The following TBC1D30 variants were observed in gnomAD, a reference collection of about 807,000 sequenced individuals.
The protein encoded by TBC1D30 is TBC1 domain family, member 30.
A neutral mutation model predicts 63.2 loss-of-function variants in TBC1D30; 31 were observed. The observed-to-expected ratio is 0.49, with a 90% CI of 0.37 to 0.66. TBC1D30 has a LOEUF of 0.66. Among genes scored for constraint, TBC1D30 ranks in the 30% least tolerant of loss-of-function variants. The pLI is 0.00. For missense variants in TBC1D30, 810 were observed against 953.6 expected (o/e 0.85, Z 1.98); for synonymous variants, 307 against 361.5 (o/e 0.85, Z 1.71).
chr12:64,825,866 G>A (rs1056617293), intron 1 of TBC1D30, among the ~76,000 whole-genome samples: 1 of 152,168 alleles, frequency 6.6e-6, no homozygotes, highest in Non-Finnish European at 1.5e-5. Flanking sequence ...TGCGTTCCAG[G>A]CGGGTTCACG....
At chr12:64,836,904 G>A (rs897430343) in intron 6 of TBC1D30, among the ~76,000 whole-genome samples, 1 of 152,166 alleles carries the variant, frequency 6.6e-6, no homozygotes, top group African/African-American at 2.4e-5. Flanking sequence ...ATCAACAACT[G>A]AAATGATGTA....
chr12:64,780,943 C>A (rs772802130), exon 1 of TBC1D30: 58 of 1,058,246 alleles, frequency 5.5e-5, no homozygotes, highest in Non-Finnish European at 6.7e-5. Context: ...CCCCGCGCCT[C>A]CGGGGAGCGG....
chr12:64,870,345 A>C (rs1057128997), intron 10 of TBC1D30, among the ~76,000 whole-genome samples: 2 of 152,252 alleles, frequency 1.3e-5, no homozygotes, highest in African/African-American at 4.8e-5. Flanking sequence ...CTATATAGCT[A>C]ACAAACTGGT....
intron 1 of TBC1D30, among the ~76,000 whole-genome samples, chr12:64,762,855 T>A (rs1376259956): frequency 6.6e-6 from 1 of 152,194 alleles, no homozygotes; most frequent in Non-Finnish European, 1.5e-5. Context: ...TTCAGAAAAA[T>A]TATTTTTCAC....
intron 2 of TBC1D30, among the ~76,000 whole-genome samples, chr12:64,796,003 A>G (rs1011862129): frequency 1.3e-5 from 2 of 152,192 alleles, no homozygotes; most frequent in Non-Finnish European, 2.9e-5. Flanking sequence ...TGTTTTTGAT[A>G]TATAATTAGC....
upstream of TBC1D30, among the ~76,000 whole-genome samples, chr12:64,777,286 G>C (rs878938857): frequency 2.0e-4 from 31 of 152,078 alleles, no homozygotes; most frequent in African/African-American, 7.5e-4. Flanking sequence ...AGAAATAAAG[G>C]GCATTCAAAT....
At chr12:64,849,023 C>A (rs1465011058) in intron 8 of TBC1D30, among the ~76,000 whole-genome samples, 1 of 152,120 alleles carries the variant, frequency 6.6e-6, no homozygotes, top group Admixed American at 6.5e-5. Flanking sequence ...CTTTAATGAC[C>A]AGTGATGATG....
chr12:64,817,505 TCTC>T (rs1873615938), intron 2 of TBC1D30, among the ~76,000 whole-genome samples: 2 of 152,194 alleles, frequency 1.3e-5, no homozygotes, highest in African/African-American at 4.8e-5. Context: ...TCTTCACACG[TCTC>T]CTCATTGGAG....
chr12:64,844,583 G>A (rs1876193230), intron 8 of TBC1D30, among the ~76,000 whole-genome samples: 1 of 152,206 alleles, frequency 6.6e-6, no homozygotes, highest in African/African-American at 2.4e-5. Flanking sequence ...ATTGACTATA[G>A]TCACCCTGTT....
At chr12:64,791,708 G>GTGTA (rs934151713) in intron 2 of TBC1D30, among the ~76,000 whole-genome samples, 8 of 149,800 alleles carry the variant, frequency 5.3e-5, no homozygotes, top group African/African-American at 1.7e-4. Context: ...TTGTGTGTGT[G>GTGTA]TATATATATA....
intron 2 of TBC1D30, among the ~76,000 whole-genome samples, chr12:64,804,129 G>A (rs1035799813): frequency 5.3e-5 from 8 of 152,318 alleles, no homozygotes; most frequent in Middle Eastern, 3.4e-3. Flanking sequence ...CATGAGCATG[G>A]AATGTTCTTC....
At chr12:64,818,153 C>T (rs1873662985) in intron 2 of TBC1D30, among the ~76,000 whole-genome samples, 1 of 151,878 alleles carries the variant, frequency 6.6e-6, no homozygotes, top group Non-Finnish European at 1.5e-5. Context: ...ACAGTTATTT[C>T]ATCTTCTGCA....
chr12:64,820,143 T>G (rs1873802993), upstream of TBC1D30, among the ~76,000 whole-genome samples: 1 of 152,184 alleles, frequency 6.6e-6, no homozygotes. Context: ...GCCCTTTTTA[T>G]TTTAAGACTT....
intron 1 of TBC1D30, among the ~76,000 whole-genome samples, chr12:64,762,232 A>C (rs1424378342): frequency 1.3e-5 from 2 of 152,232 alleles, no homozygotes; most frequent in Non-Finnish European, 2.9e-5. Flanking sequence ...AACTAAAAGA[A>C]GCCAGTGTGG....
At chr12:64,835,212 A>T (rs112685635) in intron 5 of TBC1D30, among the ~76,000 whole-genome samples, 1 of 152,182 alleles carries the variant, frequency 6.6e-6, no homozygotes, top group Non-Finnish European at 1.5e-5. Context: ...TCCTAACATA[A>T]GAAGGCTAAG....
Position 64,864,671 on chromosome 12 carries a change from G to C in TBC1D30, c.1042G>C (p.Val348Leu). 2 of 1,535,918 alleles carry C rather than the reference G, an allele frequency of 1.3e-6. No homozygotes were observed. The highest frequency in any genetic ancestry group is 2.4e-5 in the East Asian group (1 of 40,916). ...CATTTTTGCTTTTGTTTTACAGACT[G>C]TTTATTCCATGGCTCCGTTCCCTTT... ...LLQSHELMQT[V>L]YSMAPFPFPQ... The change falls in exon 9 of 12, where the codon GTT becomes CTT. Residue 348 changes from valine (V) to leucine (L), a missense_variant. This residue lies in a region of TBC1D30 where 83 missense variants were observed against 121.5 expected (regional missense o/e 0.68). Coordinates refer to ENST00000539867, the MANE Select transcript of TBC1D30 (RefSeq NM_015279.2).
chr12:64,817,146 G>T (rs1022668698), intron 2 of TBC1D30, among the ~76,000 whole-genome samples: 6 of 152,174 alleles, frequency 3.9e-5, no homozygotes, highest in African/African-American at 1.4e-4. Context: ...CCTCAGTGGG[G>T]TATCCTGGCC....
chr12:64,792,917 G>A (rs962488072), intron 2 of TBC1D30, among the ~76,000 whole-genome samples: 1 of 152,100 alleles, frequency 6.6e-6, no homozygotes, highest in African/African-American at 2.4e-5. Context: ...GGAGAGGCTT[G>A]CTTTTTGTTT....
chr12:64,812,358 G>A (rs1873266094), intron 2 of TBC1D30, among the ~76,000 whole-genome samples: 1 of 152,126 alleles, frequency 6.6e-6, no homozygotes, highest in Non-Finnish European at 1.5e-5. Context: ...TTGGTATATG[G>A]CAGTAGTTGT....
Sources: allele counts gnomAD v4.1 joint callset (sites outside exome capture counted in the v4.1 genomes callset), GRCh38; gene constraint gnomAD v4.1.1; regional missense constraint gnomAD v4.1.1; transcripts MANE v1.5; gene names NCBI Gene and HGNC (gene_info 2026-07-23, HGNC 2026-07-21).